ARHGAP28: variants seen among roughly 807,000 people sequenced by gnomAD.
The protein encoded by ARHGAP28 is Rho GTPase activating protein 28.
In ARHGAP28, 56 loss-of-function variants were observed where a neutral mutation model predicts 90.7. The ratio of observed to expected loss-of-function variants is 0.62; its 90% CI spans 0.50 to 0.77. ARHGAP28 has a LOEUF of 0.77. Ranked by LOEUF, ARHGAP28 falls within the 30% of genes least tolerant of loss-of-function variation. The pLI is 0.00. For synonymous variants in ARHGAP28, 308 were observed against 323.3 expected (o/e 0.95, Z 0.51); for missense variants, 869 against 900.9 (o/e 0.96, Z 0.45).
chr18:6,750,773 C>T (rs2143253510), intron 1 of ARHGAP28, among the ~76,000 whole-genome samples: 1 of 152,332 alleles, frequency 6.6e-6, no homozygotes, highest in Admixed American at 6.5e-5. Context: ...CCTTCTAAGG[C>T]TCTACCTCCA....
intron 1 of ARHGAP28, among the ~76,000 whole-genome samples, chr18:6,787,212 C>T (rs59370093): frequency 0.021 from 2,320 of 109,506 alleles, 75 homozygotes; most frequent in African/African-American, 0.081. Context: ...AAGAGCGAAA[C>T]TCCATTTAAA....
chr18:6,730,101 T>A (rs1213494248), intron 1 of ARHGAP28, 158 bp downstream of exon 1: 2 of 752,734 alleles, frequency 2.7e-6, no homozygotes, highest in Non-Finnish European at 3.7e-6. Flanking sequence ...CTTTGCATTG[T>A]CTTTGACTGG....
chr18:6,784,919 A>AGAG (rs1233029044), intron 1 of ARHGAP28, among the ~76,000 whole-genome samples: 2 of 152,252 alleles, frequency 1.3e-5, no homozygotes, highest in Non-Finnish European at 2.9e-5. Context: ...AACAGCTAGC[A>AGAG]GTCCATGGAG....
At chr18:6,771,930 A>G (rs2056246288) in intron 1 of ARHGAP28, among the ~76,000 whole-genome samples, 1 of 152,242 alleles carries the variant, frequency 6.6e-6, no homozygotes, top group African/African-American at 2.4e-5. Context: ...TCAAAGTAGT[A>G]GATACCTCAG....
At chr18:6,848,492 T>C (rs2056883532) in intron 3 of ARHGAP28, among the ~76,000 whole-genome samples, 2 of 152,192 alleles carry the variant, frequency 1.3e-5, no homozygotes, top group South Asian at 2.1e-4. Flanking sequence ...GCATACAGGA[T>C]TTTTATATAT....
chr18:6,841,077 C>T (rs2056804319), intron 3 of ARHGAP28, among the ~76,000 whole-genome samples: 1 of 150,120 alleles, frequency 6.7e-6, no homozygotes, highest in Admixed American at 6.7e-5. Flanking sequence ...AACACCAATT[C>T]CTCTGTTCCT....
At chr18:6,871,717 C>G (rs571336633) in intron 7 of ARHGAP28, among the ~76,000 whole-genome samples, 1 of 152,222 alleles carries the variant, frequency 6.6e-6, no homozygotes. Flanking sequence ...CAGGCAGTTT[C>G]AGAGCTAAAA....
chr18:6,860,524 AC>A (rs2056989359), intron 5 of ARHGAP28, among the ~76,000 whole-genome samples: 1 of 152,130 alleles, frequency 6.6e-6, no homozygotes, highest in East Asian at 1.9e-4. Flanking sequence ...ACAGTGAGAG[AC>A]CCCATCAGAT....
chr18:6,892,123 A>G (rs986028323), intron 14 of ARHGAP28, among the ~76,000 whole-genome samples: 5 of 145,400 alleles, frequency 3.4e-5, no homozygotes, highest in Non-Finnish European at 7.4e-5. Context: ...TTTAATTGAG[A>G]AAAAATCACA....
intron 1 of ARHGAP28, among the ~76,000 whole-genome samples, chr18:6,776,724 G>A (rs1343111660): frequency 6.6e-6 from 1 of 152,148 alleles, no homozygotes; most frequent in African/African-American, 2.4e-5. Context: ...AGGAGAAACG[G>A]GGTGTCAGAG....
chr18:6,782,636 G>C (rs1468338562), intron 1 of ARHGAP28, among the ~76,000 whole-genome samples: 1 of 86,320 alleles, frequency 1.2e-5, no homozygotes, highest in African/African-American at 4.1e-5. Context: ...TTTTAGTAGA[G>C]ACGGGGTTTC....
intron 16 of ARHGAP28, among the ~76,000 whole-genome samples, chr18:6,900,864 G>A (rs2057334734): frequency 6.6e-6 from 1 of 152,094 alleles, no homozygotes; most frequent in Admixed American, 6.5e-5. Context: ...AAAATAGTAT[G>A]ATTAAACTTG....
At position 6,781,990 on chromosome 18, in the gene ARHGAP28, G is replaced by T. The variant is rs1053282767; in HGVS notation, c.123-42772G>T. Among the ~76,000 whole-genome samples the T allele has an allele frequency of 7.2e-5, 11 of 152,278 alleles. No homozygotes were observed. The East Asian group carries it at 1.9e-3, about 27-fold the overall frequency. Reference sequence around the variant, plus strand: ...ATATGGGTTTAGGGATGGGGACAGGGCAGTGGAGAGAGGGGCACATCAGTC... The same window carrying T: ...ATATGGGTTTAGGGATGGGGACAGGTCAGTGGAGAGAGGGGCACATCAGTC... On this transcript the variant is annotated intron_variant, in intron 1 of 17. Coordinates refer to ENST00000383472, the MANE Select transcript of ARHGAP28 (RefSeq NM_001366230.1).
At chr18:6,780,219 C>T (rs1600176296) in intron 1 of ARHGAP28, among the ~76,000 whole-genome samples, 2 of 152,286 alleles carry the variant, frequency 1.3e-5, no homozygotes, top group East Asian at 3.9e-4. Context: ...CTTAACCAAG[C>T]ATTCACATAA....
At chr18:6,853,357 T>C (rs11081278) in intron 4 of ARHGAP28, among the ~76,000 whole-genome samples, 76,230 of 151,888 alleles carry the variant, frequency 0.5, 20,468 homozygotes, top group Non-Finnish European at 0.61. Context: ...TGGTCTATTC[T>C]CTCTAAAGCC....
At chr18:6,750,661 G>A (rs972367678) in intron 1 of ARHGAP28, among the ~76,000 whole-genome samples, 2 of 152,212 alleles carry the variant, frequency 1.3e-5, no homozygotes, top group Non-Finnish European at 1.5e-5. Flanking sequence ...ACATCACATG[G>A]TGAGAGGGAA....
intron 1 of ARHGAP28, among the ~76,000 whole-genome samples, chr18:6,741,765 C>G (rs1025212654): frequency 4.6e-5 from 7 of 152,188 alleles, no homozygotes; most frequent in African/African-American, 1.7e-4. Context: ...GCTTTTGTCT[C>G]TTTTACTCCC....
Position 6,909,248 on chromosome 18 carries a change from G to GTCTTTTCTTTTCTTTTCTTTTCTTT in ARHGAP28, c.2095+225_2095+249dup, listed in dbSNP as rs1172759953. On this transcript the variant is annotated intron_variant, in intron 17 of 17. Transcript: ENST00000383472. Reference sequence around the variant, plus strand: ...TAATGTTGATATGGAGTAGGCTTGGGTCTTTTCTTTTCTTTTCTTTTCTTT... The same window carrying GTCTTTTCTTTTCTTTTCTTTTCTTT: ...TAATGTTGATATGGAGTAGGCTTGGGTCTTTTCTTTTCTTTTCTTTTCTTTTCTTTTCTTTTCTTTTCTTTTCTTT... Among the ~76,000 whole-genome samples the GTCTTTTCTTTTCTTTTCTTTTCTTT allele has an allele frequency of 8.2e-5, 10 of 121,370 alleles. 1 individual carries two copies. Among genetic ancestry groups the GTCTTTTCTTTTCTTTTCTTTTCTTT allele is most frequent in the African/African-American group, 1.8e-4 (6 of 32,634 alleles). The allele number at this position is 121,370 out of a possible 152,430, so 79.6% of individuals were successfully genotyped here.
intron 1 of ARHGAP28, among the ~76,000 whole-genome samples, chr18:6,802,573 T>G (rs2056490101): frequency 6.6e-6 from 1 of 152,078 alleles, no homozygotes; most frequent in African/African-American, 2.4e-5. Context: ...TTTGAACTCC[T>G]GACCTCAAGT....
Sources: allele counts gnomAD v4.1 joint callset (sites outside exome capture counted in the v4.1 genomes callset), GRCh38; gene constraint gnomAD v4.1.1; transcripts MANE v1.5; gene names NCBI Gene and HGNC (gene_info 2026-07-23, HGNC 2026-07-21).